Variants in UGGT2 observed in about 807,000 individuals in gnomAD.
UGGT2 encodes the protein UDP-glucose:glycoprotein glucosyltransferase 2.
UGGT2 carries 180 observed loss-of-function variants against 192.1 expected under a neutral mutation model. The ratio of observed to expected loss-of-function variants is 0.94; its 90% CI spans 0.83 to 1.06. The LOEUF is 1.06. UGGT2 is among the 50% of genes least tolerant of loss of function. The pLI, the probability that UGGT2 is intolerant of heterozygous loss-of-function variation, is 0.00. For synonymous variants in UGGT2, 580 were observed against 591.0 expected, an observed-to-expected ratio of 0.98 and a Z score of 0.27; for missense variants, 1,849 against 1,795.7, an observed-to-expected ratio of 1.03 and a Z score of -0.54.
At chr13:96,005,522 T>A (rs1236308695) in intron 5 of UGGT2, among the ~76,000 whole-genome samples, 1 of 152,108 alleles carries the variant, frequency 6.6e-6, no homozygotes, top group East Asian at 1.9e-4. Context: ...AAAGCCTTAA[T>A]CTTCAGAGGC....
At chr13:96,048,524 CA>C (rs1334742158) in intron 1 of UGGT2, among the ~76,000 whole-genome samples, 2 of 151,798 alleles carry the variant, frequency 1.3e-5, no homozygotes, top group African/African-American at 2.4e-5. Flanking sequence ...GAAAACCATT[CA>C]AAAAAATATC....
chr13:95,869,219 A>T (rs1044035492), intron 29 of UGGT2, among the ~76,000 whole-genome samples: 10 of 151,874 alleles, frequency 6.6e-5, no homozygotes, highest in Non-Finnish European at 1.0e-4. Context: ...ACATGAACTC[A>T]TCATTTTTTA....
chr13:95,944,409 G>A (rs1355926486), intron 15 of UGGT2, among the ~76,000 whole-genome samples: 2 of 151,968 alleles, frequency 1.3e-5, no homozygotes, highest in Non-Finnish European at 2.9e-5. Context: ...TCCTTCCATT[G>A]AGAAGTGGGT....
chr13:95,889,014 C>A (rs1353459026), intron 25 of UGGT2, among the ~76,000 whole-genome samples: 2 of 151,964 alleles, frequency 1.3e-5, no homozygotes, highest in African/African-American at 2.4e-5. Flanking sequence ...GAGACAGGGT[C>A]TTGCTATGTT....
chr13:95,936,326 G>C (rs1256502791), intron 17 of UGGT2, among the ~76,000 whole-genome samples: 4 of 152,202 alleles, frequency 2.6e-5, no homozygotes, highest in African/African-American at 9.6e-5. Flanking sequence ...TGACCTACAA[G>C]CTAGTAGATA....
At chr13:95,856,369 T>C (rs764750307) in intron 33 of UGGT2, 29 bp from the exon 34 acceptor site, 9 of 1,586,042 alleles carry the variant, frequency 5.7e-6, no homozygotes, top group Non-Finnish European at 1.7e-6. Flanking sequence ...AATCAAACAA[T>C]ATGTTCAAGA....
chr13:95,894,490 G>A (rs1594254025), intron 24 of UGGT2, 72 bp downstream of exon 24: 2 of 1,244,684 alleles, frequency 1.6e-6, no homozygotes, highest in East Asian at 4.7e-5. Flanking sequence ...ATTTTACCAT[G>A]TTATGAAAAC....
At chr13:96,014,946 C>G (rs1379952800) in intron 4 of UGGT2, among the ~76,000 whole-genome samples, 3 of 151,958 alleles carry the variant, frequency 2.0e-5, no homozygotes, top group African/African-American at 7.3e-5. Flanking sequence ...TAATTTAAGC[C>G]TGAAAAATTC....
chr13:95,831,126 T>G (rs888715373), intron 38 of UGGT2, among the ~76,000 whole-genome samples: 1 of 145,976 alleles, frequency 6.9e-6, no homozygotes, highest in Non-Finnish European at 1.5e-5. Flanking sequence ...TGGGGCTTGT[T>G]GTGGGGTGGG....
intron 12 of UGGT2, among the ~76,000 whole-genome samples, chr13:95,965,562 A>T (rs1166573264): frequency 7.6e-6 from 1 of 131,152 alleles, no homozygotes; most frequent in Non-Finnish European, 1.6e-5. Context: ...TGGACACAGG[A>T]AGGGGAACAT....
At chr13:95,988,698 T>C (rs994486761) in intron 8 of UGGT2, among the ~76,000 whole-genome samples, 2 of 152,184 alleles carry the variant, frequency 1.3e-5, no homozygotes, top group Non-Finnish European at 2.9e-5. Context: ...AGGTAAAGAA[T>C]AGCAGAAGTT....
chr13:96,031,422 G>C (rs1333025728), intron 2 of UGGT2, among the ~76,000 whole-genome samples: 2 of 152,132 alleles, frequency 1.3e-5, no homozygotes, highest in Non-Finnish European at 2.9e-5. Flanking sequence ...CTCCACCTCA[G>C]TCTCACAAAG....
chr13:95,912,768 C>G (rs2048545507), intron 20 of UGGT2, among the ~76,000 whole-genome samples: 1 of 152,162 alleles, frequency 6.6e-6, no homozygotes. Context: ...AAAAAACAGC[C>G]TGCATTGCCA....
intron 12 of UGGT2, among the ~76,000 whole-genome samples, chr13:95,958,994 G>A (rs1475043210): frequency 6.6e-6 from 1 of 152,168 alleles, no homozygotes; most frequent in Non-Finnish European, 1.5e-5. Context: ...TCCAGAGAGG[G>A]AGCTCATGCC....
chr13:95,834,428 TG>T (rs1246827559), intron 37 of UGGT2, among the ~76,000 whole-genome samples: 1 of 152,100 alleles, frequency 6.6e-6, no homozygotes, highest in African/African-American at 2.4e-5. Context: ...GGAAAACCCC[TG>T]TAACAAAGAA....
chr13:95,970,345 T>C, intron 11 of UGGT2, 83 bp from the exon 12 acceptor site: 1 of 1,297,910 alleles, frequency 7.7e-7, no homozygotes, highest in Non-Finnish European at 1.1e-6. Flanking sequence ...TCTTAAAGCA[T>C]TAGAAATGAG....
At chr13:95,805,770 A>G (rs762957123) in intron 38 of UGGT2, among the ~76,000 whole-genome samples, 5 of 152,086 alleles carry the variant, frequency 3.3e-5, no homozygotes, top group Non-Finnish European at 7.4e-5. Context: ...AGGGGCAGGG[A>G]GAGAGGGGGA....
At chr13:95,843,725 T>A (rs887139418) in intron 36 of UGGT2, among the ~76,000 whole-genome samples, 2 of 152,102 alleles carry the variant, frequency 1.3e-5, no homozygotes, top group East Asian at 1.9e-4. Context: ...TTGAAAAGAC[T>A]ATCCTTTCTC....
chr13:95,967,443 C>G (rs955206915), intron 12 of UGGT2, among the ~76,000 whole-genome samples: 1 of 148,910 alleles, frequency 6.7e-6, no homozygotes, highest in African/African-American at 2.5e-5. Context: ...TGAGCCACCA[C>G]GCCCAGCCCC....
Sources: gnomAD v4.1 joint callset for allele counts (sites outside exome capture counted in the v4.1 genomes callset) on GRCh38, gnomAD v4.1.1 for gene constraint, MANE v1.5 for transcripts, NCBI Gene and HGNC (gene_info 2026-07-23, HGNC 2026-07-21) for gene names.